CTSB: variants seen among roughly 807,000 people sequenced by gnomAD.
The protein encoded by CTSB is cathepsin B, also known as APP secretase.
Under a neutral mutation model 44.3 loss-of-function variants are expected in CTSB, and 57 were observed. The ratio of observed to expected loss-of-function variants is 1.29; its 90% CI spans 1.04 to 1.60. CTSB has a LOEUF of 1.60. CTSB is among the 40% of genes most tolerant of loss of function. CTSB has a pLI of 0.00. For synonymous variants in CTSB, 320 were observed against 168.0 expected (o/e 1.91, Z -7.00); for missense variants, 768 against 443.0 (o/e 1.73, Z -6.59).
At chr8:11,853,556 G>A (rs1406143930) in intron 1 of CTSB, 77 bp from the exon 2 acceptor site, 32 of 1,401,202 alleles carry the variant, frequency 2.3e-5, no homozygotes, top group South Asian at 2.2e-4. Context: ...GCACCGTCTC[G>A]GGCATCAGTG....
Position 11,845,112 on chromosome 8 carries a change from G to C in CTSB, c.*13C>G, listed in dbSNP as rs1813013386. 6.3e-7 allele frequency: 1 copy of C among 1,590,730 alleles called. No homozygotes were observed. The highest frequency in any genetic ancestry group is 8.6e-7 in the Non-Finnish European group (1 of 1,158,762). On this transcript the variant is annotated 3_prime_UTR_variant, in exon 10 of 10. Coordinates refer to ENST00000353047, the MANE Select transcript of CTSB (RefSeq NM_001908.5). ...TCTCGCCCCCAGGACTGGCACGACA[G>C]GCCCACGGCAGATTAGATCTTTTCC...
At position 11,845,176 on chromosome 8, in the gene CTSB, T is replaced by A; in HGVS notation, c.969A>T (p.Ser323=). 2 of 1,614,102 alleles carry A rather than the reference T, an allele frequency of 1.2e-6. No individual in the cohort carries two copies. Among genetic ancestry groups the A allele is most frequent in the Non-Finnish European group, 8.5e-7 (1 of 1,179,934 alleles). Residue 323 remains serine, a synonymous_variant, in exon 10 of 10, where the codon TCA becomes TCT. Coordinates refer to ENST00000353047, the MANE Select transcript of CTSB (RefSeq NM_001908.5). The part of the protein sequence containing the change: ...LRGQDHCGIE[S]EVVAGIPRTD... ...TGCGTGGAATTCCAGCCACCACTTCTGATTCGATTCCACAGTGATCCTGTC... is the reference window on the plus strand; with the variant it reads ...TGCGTGGAATTCCAGCCACCACTTCAGATTCGATTCCACAGTGATCCTGTC...
chr8:11,847,882 C>G, intron 6 of CTSB, 60 bp from the exon 7 acceptor site: 2 of 1,410,232 alleles, frequency 1.4e-6, no homozygotes, highest in Non-Finnish European at 1.9e-6. Flanking sequence ...AGACCTGGGG[C>G]AAGGCAAGCC....
At chr8:11,848,212 CTG>C in intron 5 of CTSB, 60 bp from the exon 6 acceptor site, 2 of 1,481,434 alleles carry the variant, frequency 1.4e-6, no homozygotes, top group Non-Finnish European at 1.9e-6. Flanking sequence ...CTCCAGACCA[CTG>C]TGTGCTACCC....
chr8:11,859,170 C>A (rs1815982043), intron 1 of CTSB, among the ~76,000 whole-genome samples: 2 of 152,168 alleles, frequency 1.3e-5, no homozygotes, highest in Admixed American at 6.5e-5. Context: ...CATATCCTCT[C>A]TCTCCAAACC....
chr8:11,849,989 G>C (rs1444458924), intron 4 of CTSB: 2 of 152,374 alleles, frequency 1.3e-5, no homozygotes, highest in African/African-American at 4.8e-5. Context: ...AAAGTAGAGT[G>C]GGGCTTACCA....
At chr8:11,858,851 C>A (rs1216549670) in intron 1 of CTSB, among the ~76,000 whole-genome samples, 3 of 152,206 alleles carry the variant, frequency 2.0e-5, no homozygotes, top group Non-Finnish European at 4.4e-5. Flanking sequence ...CATGGGACAG[C>A]AACCCATTTT....
chr8:11,844,768 C>A lies in CTSB; in HGVS notation c.*357G>T, dbSNP rs3088244. On this transcript the variant is annotated 3_prime_UTR_variant, in exon 10 of 10. Coordinates refer to ENST00000353047, the MANE Select transcript of CTSB (RefSeq NM_001908.5). ...GGTACTGGGGGAACTGATGGGGGAA[C>A]TTTCATCCTGTTAGGAACTCCGCTT... The A allele has an allele frequency of 1.2e-4, 25 of 205,872 alleles. No homozygotes were observed. The highest frequency in any genetic ancestry group is 5.0e-4 in the African/African-American group (22 of 43,902). The allele number at this position is 205,872 out of a possible 1,614,324, so 12.8% of individuals were successfully genotyped here. A position where few individuals can be genotyped will look rare whatever the true frequency, so the allele number is the denominator to read the frequency against.
rs116149589 is a variant in CTSB, at chr8:11,860,852, C to T, written c.-26+7149G>A. ...CTCACCGCTAATAACGGCAGTTGCT[C>T]CTGAAGTTTTGACCACTTAAGTGCA... On this transcript the variant is annotated intron_variant, in intron 1 of 9. Transcript: ENST00000353047. 5.3e-5 allele frequency among the ~76,000 whole-genome samples: 8 copies of T among 152,174 alleles called. No individual in the cohort carries two copies. In the South Asian group the frequency reaches 1.7e-3, roughly 32 times the overall value.
At chr8:11,852,827 C>A (rs1814841022) in intron 2 of CTSB, 132 bp from the exon 3 acceptor site, 3 of 739,232 alleles carry the variant, frequency 4.1e-6, no homozygotes, top group Admixed American at 4.9e-5. Flanking sequence ...GGTTGGGGGG[C>A]ACTGGGGAAC....
At chr8:11,853,245 G>A in intron 2 of CTSB, 84 bp downstream of exon 2, 1 of 1,551,838 alleles carries the variant, frequency 6.4e-7, no homozygotes, top group Non-Finnish European at 8.8e-7. Context: ...GGGCCACAGT[G>A]AGGGCTGGCT....
intron 5 of CTSB, 182 bp from the exon 6 acceptor site, chr8:11,848,334 C>T (rs934908760): frequency 2.9e-6 from 2 of 690,420 alleles, no homozygotes; most frequent in African/African-American, 3.5e-5. Context: ...GCACAGCTTG[C>T]AGGGAATAAC....
rs138513485 is a variant in CTSB at position 11,864,956 on chromosome 8, T to C, written c.-26+3045A>G. Among the ~76,000 whole-genome samples the C allele has an allele frequency of 1.2e-3, 188 of 152,162 alleles. 1 individual carries two copies. In the South Asian group the frequency reaches 0.014, roughly 12 times the overall value. On this transcript the variant is annotated intron_variant, in intron 1 of 9. Coordinates refer to ENST00000353047, the MANE Select transcript of CTSB (RefSeq NM_001908.5). ...AAATGTCTAAACACAGAGTGGAATT[T>C]GATCCCTAAACCTCCTACCCCACAC...
chr8:11,861,306 T>C (rs1432952083), intron 1 of CTSB: 1 of 152,324 alleles, frequency 6.6e-6, no homozygotes, highest in Admixed American at 6.5e-5. Context: ...TCACCAGCCT[T>C]GGAGGCTTCC....
At chr8:11,860,165 G>T (rs1259259915) in intron 1 of CTSB, among the ~76,000 whole-genome samples, 1 of 152,206 alleles carries the variant, frequency 6.6e-6, no homozygotes, top group Admixed American at 6.5e-5. Context: ...AAGGAGACAG[G>T]ATATGTACAC....
intron 7 of CTSB, among the ~76,000 whole-genome samples, chr8:11,847,415 A>G (rs1379950832): frequency 6.6e-6 from 1 of 151,700 alleles, no homozygotes; most frequent in African/African-American, 2.4e-5. Flanking sequence ...ATACCTCAAG[A>G]CTCCAGGACA....
chr8:11,864,103 A>G lies in CTSB; in HGVS notation c.-26+3898T>C, dbSNP rs187015014. On this transcript the variant is annotated intron_variant, in intron 1 of 9. Coordinates refer to ENST00000353047, the MANE Select transcript of CTSB (RefSeq NM_001908.5). ...AAATAAATCTCACAACCGTGAGTGA[A>G]AAAGGATCCATGTAGTGTAACTGAA... is the stretch of plus-strand genomic sequence containing the variant. Among the ~76,000 whole-genome samples, 181 of 152,280 alleles carry G rather than the reference A, an allele frequency of 1.2e-3. 1 individual carries two copies. Among genetic ancestry groups the G allele is most frequent in the African/African-American group, 4.3e-3 (178 of 41,560 alleles).
intron 7 of CTSB, 22 bp downstream of exon 7, chr8:11,847,657 G>C: frequency 5.9e-6 from 9 of 1,513,670 alleles, no homozygotes; most frequent in Non-Finnish European, 7.9e-6. Context: ...CGTGCGCCGT[G>C]GCCAGGCCCC....
At chr8:11,853,718 TG>T (rs1451540801) in intron 1 of CTSB, 11 of 451,180 alleles carry the variant, frequency 2.4e-5, no homozygotes, top group Non-Finnish European at 4.4e-5. Flanking sequence ...GCCAAGGGGC[TG>T]TGCTGGACGA....
Sources: gnomAD v4.1 joint callset for allele counts (sites outside exome capture counted in the v4.1 genomes callset) on GRCh38, gnomAD v4.1.1 for gene constraint, MANE v1.5 for transcripts, NCBI Gene and HGNC (gene_info 2026-07-23, HGNC 2026-07-21) for gene names.